Variants in MAGI1 observed in about 807,000 individuals in gnomAD.
The protein encoded by MAGI1 is membrane associated guanylate kinase, WW and PDZ domain containing 1.
A neutral mutation model predicts 139.9 loss-of-function variants in MAGI1; 58 were observed. That is an observed-to-expected ratio of 0.41 (90% CI 0.34 to 0.52). The LOEUF (loss-of-function observed/expected upper bound fraction) is 0.52, where lower values mean the gene tolerates loss of function less well. Ranked by LOEUF, MAGI1 falls within the 20% of genes least tolerant of loss-of-function variation. The pLI is 0.12. For missense variants in MAGI1, 1,874 were observed against 1,901.6 expected (o/e 0.99, Z 0.27); for synonymous variants, 812 against 737.9 (o/e 1.10, Z -1.63).
At chr3:65,519,186 T>C (rs1457041685) in intron 2 of MAGI1, among the ~76,000 whole-genome samples, 1 of 152,088 alleles carries the variant, frequency 6.6e-6, no homozygotes, top group East Asian at 1.9e-4. Context: ...GTTTTTGCCA[T>C]TACTTTCTTT....
intron 3 of MAGI1, among the ~76,000 whole-genome samples, chr3:65,493,043 A>T (rs1181605747): frequency 6.9e-6 from 1 of 145,738 alleles, no homozygotes; most frequent in Non-Finnish European, 1.5e-5. Flanking sequence ...GCGCCACTGC[A>T]CTCCAGCCTG....
At chr3:65,401,929 A>T (rs1054476462) in intron 12 of MAGI1, 10 of 983,812 alleles carry the variant, frequency 1.0e-5, no homozygotes, top group African/African-American at 7.0e-5. Flanking sequence ...GGTTAAAATT[A>T]AAAAAATTTT....
intron 15 of MAGI1, among the ~76,000 whole-genome samples, chr3:65,382,768 G>T (rs1943157674): frequency 6.6e-6 from 1 of 152,184 alleles, no homozygotes; most frequent in South Asian, 2.1e-4. Flanking sequence ...CCATTTGGTA[G>T]CTCTGCGATC....
chr3:65,849,178 C>G (rs548956087), intron 1 of MAGI1, among the ~76,000 whole-genome samples: 3 of 151,436 alleles, frequency 2.0e-5, no homozygotes, highest in Non-Finnish European at 2.9e-5. Flanking sequence ...CATGTGCCAC[C>G]ACGCCTGACT....
intron 1 of MAGI1, among the ~76,000 whole-genome samples, chr3:65,832,806 T>C (rs561308713): frequency 6.6e-6 from 1 of 152,186 alleles, no homozygotes; most frequent in South Asian, 2.1e-4. Context: ...CTATCCACTT[T>C]GATGAAAATA....
At chr3:65,761,344 A>G (rs1013831892) in intron 1 of MAGI1, among the ~76,000 whole-genome samples, 4 of 152,142 alleles carry the variant, frequency 2.6e-5, no homozygotes, top group African/African-American at 4.8e-5. Flanking sequence ...CTGCCCAACT[A>G]AAGAGGACAA....
chr3:65,657,094 G>A (rs1459857016), intron 1 of MAGI1, among the ~76,000 whole-genome samples: 2 of 151,828 alleles, frequency 1.3e-5, no homozygotes, highest in Non-Finnish European at 2.9e-5. Context: ...CAAGTATTGG[G>A]CTAAAAACTT....
chr3:65,799,767 G>GT (rs1410032356), intron 1 of MAGI1, among the ~76,000 whole-genome samples: 1 of 152,072 alleles, frequency 6.6e-6, no homozygotes, highest in African/African-American at 2.4e-5. Flanking sequence ...ATATTTATGT[G>GT]TTTTTTAAAA....
chr3:65,420,501 C>T (rs1184380201), intron 12 of MAGI1, among the ~76,000 whole-genome samples: 2 of 152,150 alleles, frequency 1.3e-5, no homozygotes, highest in East Asian at 3.9e-4. Flanking sequence ...TTCTCCCCTT[C>T]CCCTAGAATA....
chr3:65,689,426 A>T (rs1576742907), intron 1 of MAGI1, among the ~76,000 whole-genome samples: 1 of 152,134 alleles, frequency 6.6e-6, no homozygotes, highest in Non-Finnish European at 1.5e-5. Flanking sequence ...TCTTTCCTAA[A>T]CCTACATTTT....
chr3:65,742,617 G>A (rs1171042626), intron 1 of MAGI1, among the ~76,000 whole-genome samples: 1 of 152,152 alleles, frequency 6.6e-6, no homozygotes, highest in Non-Finnish European at 1.5e-5. Flanking sequence ...GCATTCCCCA[G>A]TGTCTGCTGG....
At chr3:65,685,023 G>A (rs1276826251) in intron 1 of MAGI1, among the ~76,000 whole-genome samples, 1 of 151,376 alleles carries the variant, frequency 6.6e-6, no homozygotes, top group Non-Finnish European at 1.5e-5. Flanking sequence ...TGGCCTGGTA[G>A]ACTGTATTAA....
At chr3:66,032,932 AAACAACAAC>A (rs1170483945) in intron 1 of MAGI1, among the ~76,000 whole-genome samples, 1 of 143,724 alleles carries the variant, frequency 7.0e-6, no homozygotes, top group South Asian at 2.2e-4. Context: ...AAAAAAAAAA[AAACAACAAC>A]AACAACAACA....
intron 2 of MAGI1, among the ~76,000 whole-genome samples, chr3:65,537,441 G>A (rs1346298391): frequency 3.3e-5 from 5 of 151,882 alleles, no homozygotes; most frequent in African/African-American, 9.7e-5. Flanking sequence ...TTGCCACATT[G>A]GCTCACTGTT....
chr3:65,754,979 A>G (rs1202358347), intron 1 of MAGI1, among the ~76,000 whole-genome samples: 1 of 150,756 alleles, frequency 6.6e-6, no homozygotes, highest in African/African-American at 2.4e-5. Flanking sequence ...TTTGAGATGG[A>G]ATCTCACTCT....
At chr3:65,752,634 T>A (rs1370990901) in intron 1 of MAGI1, among the ~76,000 whole-genome samples, 1 of 152,218 alleles carries the variant, frequency 6.6e-6, no homozygotes, top group Non-Finnish European at 1.5e-5. Context: ...GGCCTTGATG[T>A]GTGTTCACAA....
intron 12 of MAGI1, among the ~76,000 whole-genome samples, chr3:65,414,629 C>T (rs1475730386): frequency 2.6e-5 from 4 of 152,134 alleles, no homozygotes; most frequent in Admixed American, 1.3e-4. Context: ...CATAAGCCAG[C>T]AGATTTTGAA....
At chr3:65,460,288 A>G (rs534482115) in intron 5 of MAGI1, among the ~76,000 whole-genome samples, 1 of 152,314 alleles carries the variant, frequency 6.6e-6, no homozygotes, top group South Asian at 2.1e-4. Flanking sequence ...AAATTTTGTT[A>G]AAGATTTTTG....
intron 13 of MAGI1, among the ~76,000 whole-genome samples, chr3:65,398,372 A>G (rs1328212985): frequency 6.6e-6 from 1 of 152,124 alleles, no homozygotes; most frequent in Non-Finnish European, 1.5e-5. Context: ...ATGGTGGTGC[A>G]TACCTACAGT....
Sources: gnomAD v4.1 joint callset for allele counts (sites outside exome capture counted in the v4.1 genomes callset) on GRCh38, gnomAD v4.1.1 for gene constraint, MANE v1.5 for transcripts, NCBI Gene and HGNC (gene_info 2026-07-23, HGNC 2026-07-21) for gene names.